The following RAB2A variants were observed in gnomAD, a reference collection of about 807,000 sequenced individuals.
RAB2A encodes RAB2A, member RAS oncogene family, also known as ras-related protein Rab-2A.
Under a neutral mutation model 32.5 loss-of-function variants are expected in RAB2A, and 7 were observed. That is an observed-to-expected ratio of 0.22 (90% CI 0.12 to 0.40). RAB2A has a LOEUF of 0.40. RAB2A is among the 10% of genes least tolerant of loss of function. The pLI is 1.00. For missense variants in RAB2A, 108 were observed against 260.7 expected (o/e 0.41, Z 4.03); for synonymous variants, 79 against 85.2 (o/e 0.93, Z 0.40).
At chr8:60,547,278 A>G (rs535062453) in intron 1 of RAB2A, among the ~76,000 whole-genome samples, 129 of 152,324 alleles carry the variant, frequency 8.5e-4, no homozygotes, top group African/African-American at 2.9e-3. Flanking sequence ...CAAAAGGAAA[A>G]GTCTCCCCTG....
intron 2 of RAB2A, among the ~76,000 whole-genome samples, chr8:60,562,526 A>G (rs947861771): frequency 3.3e-5 from 5 of 152,176 alleles, no homozygotes; most frequent in African/African-American, 1.2e-4. Flanking sequence ...AACATGAACT[A>G]TTTTTTTAAA....
At chr8:60,589,503 A>G (rs1803901156) in intron 5 of RAB2A, among the ~76,000 whole-genome samples, 1 of 152,200 alleles carries the variant, frequency 6.6e-6, no homozygotes, top group Non-Finnish European at 1.5e-5. Flanking sequence ...AGATGACACA[A>G]ATTTTTCTTA....
intron 3 of RAB2A, among the ~76,000 whole-genome samples, chr8:60,580,221 G>A (rs755157463): frequency 6.2e-5 from 9 of 145,532 alleles, no homozygotes; most frequent in Non-Finnish European, 1.2e-4. Flanking sequence ...GGTCTCAAAC[G>A]CCTGACCTCG....
chr8:60,556,707 A>G (rs1163564907), intron 1 of RAB2A, among the ~76,000 whole-genome samples: 1 of 151,860 alleles, frequency 6.6e-6, no homozygotes, highest in Non-Finnish European at 1.5e-5. Context: ...GGAACCAAAG[A>G]AATAAGCATT....
chr8:60,534,165 T>A lies in RAB2A; in HGVS notation c.46+16912T>A, dbSNP rs118178993. ...CAGGGTACTTTCTAACTGGAGTGAA[T>A]GGCTTATAACAGATTTCAGATTGTC... On this transcript the variant is annotated intron_variant, in intron 1 of 7. Coordinates refer to ENST00000262646, the MANE Select transcript of RAB2A (RefSeq NM_002865.3). 5.3e-5 allele frequency among the ~76,000 whole-genome samples: 8 copies of A among 152,346 alleles called. No homozygotes were observed. The East Asian group carries it at 1.5e-3, about 29-fold the overall frequency.
chr8:60,597,589 AAAAC>A (rs1232685509), intron 6 of RAB2A, among the ~76,000 whole-genome samples: 1 of 152,194 alleles, frequency 6.6e-6, no homozygotes, highest in Non-Finnish European at 1.5e-5. Flanking sequence ...ATAATTTAAA[AAAAC>A]AAAAGAAAAG....
intron 2 of RAB2A, chr8:60,570,172 T>G (rs570453196): frequency 2.8e-6 from 1 of 360,804 alleles, no homozygotes; most frequent in African/African-American, 2.1e-5. Flanking sequence ...ATCAGCAGCA[T>G]TGATGGGTCT....
chr8:60,580,106 C>A (rs1284641896), intron 3 of RAB2A, among the ~76,000 whole-genome samples: 1 of 151,284 alleles, frequency 6.6e-6, no homozygotes, highest in Non-Finnish European at 1.5e-5. Flanking sequence ...AAGTGATTCT[C>A]CTGCCCCAGC....
chr8:60,543,111 C>T (rs967212899), intron 1 of RAB2A, among the ~76,000 whole-genome samples: 1 of 152,168 alleles, frequency 6.6e-6, no homozygotes, highest in Non-Finnish European at 1.5e-5. Context: ...GACTGGGAAA[C>T]TAACAACGTA....
chr8:60,560,813 T>C (rs1808011328), intron 2 of RAB2A, among the ~76,000 whole-genome samples: 2 of 152,132 alleles, frequency 1.3e-5, no homozygotes, highest in Admixed American at 1.3e-4. Context: ...AAGACAGTTA[T>C]TCTTCCAGTG....
At chr8:60,599,303 GAGAGGCA>G (rs1421927551) in intron 6 of RAB2A, among the ~76,000 whole-genome samples, 4 of 152,014 alleles carry the variant, frequency 2.6e-5, no homozygotes, top group African/African-American at 7.3e-5. Context: ...TAAATAAATA[GAGAGGCA>G]TACTATGCCT....
At chr8:60,595,761 A>G (rs1225408299) in intron 6 of RAB2A, among the ~76,000 whole-genome samples, 1 of 152,208 alleles carries the variant, frequency 6.6e-6, no homozygotes, top group African/African-American at 2.4e-5. Flanking sequence ...GAAATTCACA[A>G]TTACGGTTGG....
chr8:60,567,119 CTTT>C (rs759099870), intron 2 of RAB2A, among the ~76,000 whole-genome samples: 7 of 139,278 alleles, frequency 5.0e-5, no homozygotes, highest in Non-Finnish European at 7.9e-5. Flanking sequence ...TTCTTTTTTT[CTTT>C]TTTTTTTTTT....
At chr8:60,552,339 T>C (rs1472757434) in intron 1 of RAB2A, 1 of 152,198 alleles carries the variant, frequency 6.6e-6, no homozygotes, top group African/African-American at 2.4e-5. Flanking sequence ...GGTCTCACTA[T>C]GTTACCCAGG....
chr8:60,543,024 T>C (rs1025158559), intron 1 of RAB2A, among the ~76,000 whole-genome samples: 1 of 152,204 alleles, frequency 6.6e-6, no homozygotes, highest in Non-Finnish European at 1.5e-5. Flanking sequence ...AATTTTCTTT[T>C]CCCACACCAC....
intron 6 of RAB2A, among the ~76,000 whole-genome samples, chr8:60,617,734 G>A (rs1804470225): frequency 6.6e-6 from 1 of 152,058 alleles, no homozygotes; most frequent in African/African-American, 2.4e-5. Context: ...GACAGGGTGA[G>A]CCCCTGTCTC....
intron 6 of RAB2A, among the ~76,000 whole-genome samples, chr8:60,599,671 A>G (rs1049234898): frequency 6.6e-6 from 1 of 152,340 alleles, no homozygotes; most frequent in South Asian, 2.1e-4. Context: ...AAGTAGTTAA[A>G]TGGAAGAAGA....
At chr8:60,556,449 A>G (rs1324376350) in intron 1 of RAB2A, among the ~76,000 whole-genome samples, 1 of 151,420 alleles carries the variant, frequency 6.6e-6, no homozygotes, top group Non-Finnish European at 1.5e-5. Context: ...GTATACATGT[A>G]TATCACTCTT....
At chr8:60,579,377 T>G (rs1183937640) in intron 3 of RAB2A, among the ~76,000 whole-genome samples, 4 of 152,302 alleles carry the variant, frequency 2.6e-5, no homozygotes, top group African/African-American at 9.6e-5. Flanking sequence ...CCAACAGTTA[T>G]ATTGTGAGCC....
Sources: allele counts gnomAD v4.1 joint callset (sites outside exome capture counted in the v4.1 genomes callset), GRCh38; gene constraint gnomAD v4.1.1; transcripts MANE v1.5; gene names NCBI Gene and HGNC (gene_info 2026-07-23, HGNC 2026-07-21).